Variants in ADAM19 observed in about 807,000 individuals in gnomAD.
ADAM19 encodes the protein disintegrin and metalloproteinase domain-containing protein 19.
A neutral mutation model predicts 114.7 loss-of-function variants in ADAM19; 65 were observed. That is an observed-to-expected ratio of 0.57 (90% confidence interval 0.46 to 0.70). The LOEUF is 0.70. ADAM19 is among the 30% of genes least tolerant of loss of function. The pLI is 0.00. For synonymous variants in ADAM19, 466 were observed against 460.5 expected (o/e 1.01, Z -0.15); for missense variants, 1,063 against 1,204.7 (o/e 0.88, Z 1.74).
intron 3 of ADAM19, among the ~76,000 whole-genome samples, chr5:157,541,722 CA>C (rs1323111162): frequency 6.6e-6 from 1 of 152,186 alleles, no homozygotes; most frequent in Non-Finnish European, 1.5e-5. Flanking sequence ...TCAGAAGCTT[CA>C]AACTCAGGAC....
chr5:157,525,936 A>C (rs1756439827), intron 5 of ADAM19, among the ~76,000 whole-genome samples: 1 of 152,180 alleles, frequency 6.6e-6, no homozygotes, highest in Non-Finnish European at 1.5e-5. Context: ...CTGTAATATA[A>C]GGGTGATCCA....
intron 4 of ADAM19, 125 bp downstream of exon 4, chr5:157,537,788 G>A (rs1053007375): frequency 2.5e-6 from 2 of 795,554 alleles, no homozygotes; most frequent in Non-Finnish European, 4.0e-6. Flanking sequence ...TGCTCCCTTG[G>A]TCTTCGCTTG....
chr5:157,556,627 C>A (rs1757376179), intron 3 of ADAM19, among the ~76,000 whole-genome samples: 1 of 152,116 alleles, frequency 6.6e-6, no homozygotes, highest in African/African-American at 2.4e-5. Context: ...CCTTCCACAC[C>A]CTGCAATGAA....
chr5:157,520,837 A>G (rs1756266073), intron 5 of ADAM19, among the ~76,000 whole-genome samples: 1 of 152,212 alleles, frequency 6.6e-6, no homozygotes, highest in African/African-American at 2.4e-5. Flanking sequence ...AGATACTAGC[A>G]CTGAACTCAG....
In ADAM19 at chr5:157,499,614, C is replaced by T; in HGVS notation, c.1357G>A (p.Gly453Arg). 1 of 1,613,508 alleles carries T rather than the reference C, an allele frequency of 6.2e-7. No individual in the cohort carries two copies. The highest frequency in any genetic ancestry group is 8.5e-7 in the Non-Finnish European group (1 of 1,179,872). ...CAGGAGCCGTGAGCACACTCCGCCC[C>T]CGGCCTCAGGGTACAATTAGAGGCA... ...CNASNCTLRP[G>R]AECAHGSCCH... The change falls in exon 13 of 23, where the codon GGG (glycine) becomes AGG (arginine). Residue 453 changes from glycine (G) to arginine (R), a missense_variant. Around this residue, in one of 3 missense-constraint regions of ADAM19, gnomAD observed 615 missense variants for 706.3 expected, o/e 0.87. Transcript: ENST00000257527.
At chr5:157,528,567 C>G (rs1243299159) in intron 5 of ADAM19, among the ~76,000 whole-genome samples, 2 of 152,156 alleles carry the variant, frequency 1.3e-5, no homozygotes. Context: ...GATTTGGGGC[C>G]ACTCTGTTAT....
At position 157,537,933 on chromosome 5, in the gene ADAM19, T is replaced by C; in HGVS notation, c.310A>G (p.Thr104Ala). ...CTCACCTCCAATTTCCGTGTGGTGG[T>C]TTGAGGGTTACCACTTGAAGTATAA... ...THYTSSGNPQ[T>A]TTRKLEDHCF... The change falls in exon 4 of 23, where the codon ACC (threonine) becomes GCC (alanine). Residue 104 changes from threonine to alanine, a missense_variant. Transcript: ENST00000257527. 1 of 1,614,088 alleles carries C rather than the reference T, an allele frequency of 6.2e-7. No homozygotes were observed. Among genetic ancestry groups the C allele is most frequent in the Non-Finnish European group, 8.5e-7 (1 of 1,180,012 alleles).
In ADAM19 at chr5:157,564,366, C is replaced by T; in HGVS notation, c.251+7G>A. ...TTTCATTTTAGACAAAGGAGGAGTC[C>T]ACTTACTCATTCTTCTCCAGGTCCA... On this transcript the variant is annotated splice_region_variant and intron_variant, in intron 3 of 22. Transcript: ENST00000257527. 1 of 1,613,542 alleles carries T rather than the reference C, an allele frequency of 6.2e-7. No homozygotes were observed. The highest frequency in any genetic ancestry group is 8.5e-7 in the Non-Finnish European group (1 of 1,179,466).
At chr5:157,560,492 C>T (rs1369321323) in intron 3 of ADAM19, among the ~76,000 whole-genome samples, 2 of 152,100 alleles carry the variant, frequency 1.3e-5, no homozygotes, top group African/African-American at 4.8e-5. Context: ...CCAATCTTTG[C>T]AAATTATGTG....
At chr5:157,570,014 CTT>C (rs1016166026) in intron 2 of ADAM19, among the ~76,000 whole-genome samples, 2 of 152,218 alleles carry the variant, frequency 1.3e-5, no homozygotes, top group Non-Finnish European at 2.9e-5. Flanking sequence ...AATCCCAACA[CTT>C]TGAGAGGACT....
At chr5:157,527,597 A>G (rs1275684945) in intron 5 of ADAM19, among the ~76,000 whole-genome samples, 1 of 152,200 alleles carries the variant, frequency 6.6e-6, no homozygotes, top group Non-Finnish European at 1.5e-5. Context: ...CCATGATTCA[A>G]TCACCTCCCA....
rs901812529 is a variant in ADAM19, at chr5:157,481,136, C to A, written c.2704-134G>T. On this transcript the variant is annotated intron_variant, in intron 22 of 22. Transcript: ENST00000257527. The stretch of plus-strand genomic sequence containing the variant: ...GAGAACAAAGGCTTCTTGTGAAGTC[C>A]ATCCATGTGTCCACTCACCCAGACC... 5.1e-6 allele frequency: 6 copies of A among 1,181,920 alleles called. No individual in the cohort carries two copies. The African/African-American group carries it at 9.1e-5, about 18-fold the overall frequency. 73.2% of individuals were successfully genotyped at this position (1,181,920 alleles called of 1,614,324 possible). A position where few individuals can be genotyped will look rare whatever the true frequency, so the allele number is the denominator to read the frequency against.
At chr5:157,528,391 G>T (rs1756531922) in intron 5 of ADAM19, among the ~76,000 whole-genome samples, 1 of 152,328 alleles carries the variant, frequency 6.6e-6, no homozygotes, top group South Asian at 2.1e-4. Context: ...CAGACTGAGG[G>T]GATGGAGGAA....
chr5:157,509,024 A>G (rs114919550), intron 9 of ADAM19, among the ~76,000 whole-genome samples: 1 of 152,350 alleles, frequency 6.6e-6, no homozygotes, highest in Non-Finnish European at 1.5e-5. Context: ...AAATACATAC[A>G]CAATTATTTC....
intron 3 of ADAM19, among the ~76,000 whole-genome samples, chr5:157,561,498 G>C (rs1000875538): frequency 6.6e-6 from 1 of 152,170 alleles, no homozygotes; most frequent in Non-Finnish European, 1.5e-5. Context: ...CTTGCTCACC[G>C]CTCCTGGGAG....
intron 8 of ADAM19, among the ~76,000 whole-genome samples, chr5:157,512,221 C>G (rs1755944587): frequency 6.6e-6 from 1 of 152,218 alleles, no homozygotes; most frequent in Non-Finnish European, 1.5e-5. Context: ...TCACTGACCA[C>G]TGACCTTTGT....
intron 5 of ADAM19, among the ~76,000 whole-genome samples, chr5:157,523,552 T>TTTCTCTCTCACC (rs1756367265): frequency 6.6e-6 from 1 of 152,138 alleles, no homozygotes; most frequent in African/African-American, 2.4e-5. Context: ...TCTCTCTCAC[T>TTTCTCTCTCACC]TTCTCTCTCA....
intron 1 of ADAM19, among the ~76,000 whole-genome samples, chr5:157,571,293 T>C (rs1467800107): frequency 4.6e-5 from 7 of 152,148 alleles, no homozygotes; most frequent in Admixed American, 6.5e-5. Context: ...GGTGCCTATT[T>C]GAAACAGGAT....
chr5:157,518,070 A>G (rs1463167411), intron 7 of ADAM19, among the ~76,000 whole-genome samples: 1 of 152,188 alleles, frequency 6.6e-6, no homozygotes, highest in Non-Finnish European at 1.5e-5. Context: ...CAACATGATT[A>G]TAAAAATGGA....
Sources: allele counts gnomAD v4.1 joint callset (sites outside exome capture counted in the v4.1 genomes callset), GRCh38; gene constraint gnomAD v4.1.1; regional missense constraint gnomAD v4.1.1; transcripts MANE v1.5; gene names NCBI Gene and HGNC (gene_info 2026-07-23, HGNC 2026-07-21).